ZNF362: variants seen among roughly 807,000 people sequenced by gnomAD.
ZNF362 encodes the protein rotund homolog.
A neutral mutation model predicts 42.9 loss-of-function variants in ZNF362; 11 were observed. The ratio of observed to expected loss-of-function variants is 0.26; its 90% CI spans 0.16 to 0.42. ZNF362 has a LOEUF of 0.42. ZNF362 is among the 20% of genes least tolerant of loss of function. The pLI is 1.00. For synonymous variants in ZNF362, 255 were observed against 257.3 expected, an observed-to-expected ratio of 0.99 and a Z score of 0.09; for missense variants, 362 against 576.2, an observed-to-expected ratio of 0.63 and a Z score of 3.81.
chr1:33,131,212 G>A, the ZNF362 span, among the ~76,000 whole-genome samples: 1 of 152,224 alleles, frequency 6.6e-6, no homozygotes, highest in African/African-American at 2.4e-5. Flanking sequence ...AAAGTGTATG[G>A]TATACCATTC....
chr1:33,177,043 ACACACACG>A, the ZNF362 span, among the ~76,000 whole-genome samples: 1 of 57,940 alleles, frequency 1.7e-5, no homozygotes, highest in African/African-American at 9.2e-5. This position sits in a 1 kb window ranked among gnomAD's most constrained non-coding sequence, Gnocchi z 4.1. Context: ...ACACATGCAC[ACACACACG>A]CACACACACA....
intron 8 of ZNF362, among the ~76,000 whole-genome samples, chr1:33,296,826 T>G (rs199943261): frequency 2.1e-5 from 2 of 96,042 alleles, no homozygotes; most frequent in East Asian, 3.2e-4. Context: ...CAGGAAGGGT[T>G]TTTTTTTTTT....
At chr1:33,211,756 C>T in the ZNF362 span, among the ~76,000 whole-genome samples, 2 of 152,044 alleles carry the variant, frequency 1.3e-5, no homozygotes, top group Non-Finnish European at 2.9e-5. Context: ...GTGTTCTCTG[C>T]ATTTCTTGAA....
chr1:33,198,944 T>C, the ZNF362 span, among the ~76,000 whole-genome samples: 1 of 152,128 alleles, frequency 6.6e-6, no homozygotes, highest in Non-Finnish European at 1.5e-5. Flanking sequence ...AAGAACAGAT[T>C]TGTAAACTTG....
the ZNF362 span, among the ~76,000 whole-genome samples, chr1:33,182,263 C>T: frequency 6.6e-6 from 1 of 152,198 alleles, no homozygotes; most frequent in Non-Finnish European, 1.5e-5. Context: ...CGCTTAGGGT[C>T]CCCGCGGCGA....
the ZNF362 span, among the ~76,000 whole-genome samples, chr1:33,203,638 T>G: frequency 2.0e-5 from 3 of 152,156 alleles, no homozygotes; most frequent in African/African-American, 7.2e-5. Context: ...ATGTGTTATC[T>G]CTCATCTTTT....
the ZNF362 span, among the ~76,000 whole-genome samples, chr1:33,211,257 G>A: frequency 0.015 from 2,234 of 152,168 alleles, 62 homozygotes; most frequent in African/African-American, 0.051. Context: ...ATATTGTTAT[G>A]TGTGAATTTG....
At chr1:33,217,220 G>A in the ZNF362 span, among the ~76,000 whole-genome samples, 2 of 152,172 alleles carry the variant, frequency 1.3e-5, no homozygotes, top group African/African-American at 4.8e-5. Context: ...TGCCTAACCT[G>A]ATCTAACTTC....
chr1:33,191,016 A>G, the ZNF362 span, among the ~76,000 whole-genome samples: 2 of 152,186 alleles, frequency 1.3e-5, no homozygotes, highest in Non-Finnish European at 2.9e-5. Flanking sequence ...GTTCCTCCTC[A>G]GAGATCTGAG....
the ZNF362 span, among the ~76,000 whole-genome samples, chr1:33,188,653 T>C: frequency 6.6e-6 from 1 of 152,190 alleles, no homozygotes; most frequent in Non-Finnish European, 1.5e-5. Flanking sequence ...CTTTGACAGA[T>C]TGGACACTTA....
At chr1:33,229,237 T>C in the ZNF362 span, among the ~76,000 whole-genome samples, 1 of 152,090 alleles carries the variant, frequency 6.6e-6, no homozygotes, top group African/African-American at 2.4e-5. Context: ...CAGTTTTAAA[T>C]GGAAGCTCCA....
At chr1:33,184,621 A>G in the ZNF362 span, among the ~76,000 whole-genome samples, 1 of 152,220 alleles carries the variant, frequency 6.6e-6, no homozygotes, top group African/African-American at 2.4e-5. Context: ...CTGATGGAGC[A>G]AAGATATGGG....
In ZNF362 at chr1:33,281,885, G is replaced by C; in HGVS notation, c.908+74G>C. ...CCGTGGCCTGGCACATGGAGCCAGTGCAAGGAGGGGCAAGGACCTTCTCCA... is the reference window on the plus strand; with the variant it reads ...CCGTGGCCTGGCACATGGAGCCAGTCCAAGGAGGGGCAAGGACCTTCTCCA... On this transcript the variant is annotated intron_variant, in intron 6 of 8. Transcript: ENST00000539719. The surrounding 1 kb of genome is among the most constrained non-coding windows in gnomAD (Gnocchi z 4.8). 1 of 1,468,472 alleles carries C rather than the reference G, an allele frequency of 6.8e-7. No homozygotes were observed. Among genetic ancestry groups the C allele is most frequent in the Non-Finnish European group, 9.4e-7 (1 of 1,062,620 alleles). 91.0% of individuals were successfully genotyped at this position (1,468,472 alleles called of 1,614,324 possible).
chr1:33,156,136 G>T, the ZNF362 span, among the ~76,000 whole-genome samples: 1 of 152,344 alleles, frequency 6.6e-6, no homozygotes, highest in South Asian at 2.1e-4. Context: ...CTGGGCTGCA[G>T]TCAAGACTGT....
At chr1:33,211,965 A>C in the ZNF362 span, among the ~76,000 whole-genome samples, 5 of 152,186 alleles carry the variant, frequency 3.3e-5, no homozygotes, top group African/African-American at 9.7e-5. Context: ...GTCCCCACCC[A>C]AATCTCACAT....
chr1:33,182,980 G>A, the ZNF362 span, among the ~76,000 whole-genome samples: 2 of 152,146 alleles, frequency 1.3e-5, no homozygotes, highest in Non-Finnish European at 2.9e-5. Flanking sequence ...AGAAGACAGG[G>A]AGCTTTTCCA....
the ZNF362 span, among the ~76,000 whole-genome samples, chr1:33,203,631 T>C: frequency 6.6e-6 from 1 of 152,176 alleles, no homozygotes; most frequent in Non-Finnish European, 1.5e-5. Context: ...TCTTAACATG[T>C]GTTATCTCTC....
the ZNF362 span, among the ~76,000 whole-genome samples, chr1:33,242,849 A>ACT: frequency 6.6e-6 from 1 of 152,192 alleles, no homozygotes; most frequent in Non-Finnish European, 1.5e-5. Flanking sequence ...TGGACAAGCC[A>ACT]AAGTGCTGCT....
the ZNF362 span, chr1:33,147,767 A>G: frequency 1.5e-5 from 23 of 1,584,244 alleles, no homozygotes; most frequent in African/African-American, 2.7e-5. This position sits in a 1 kb window ranked among gnomAD's most constrained non-coding sequence, Gnocchi z 8.1. Context: ...GAGTGGGGAG[A>G]AGGCTGTGGA....
Sources: allele counts gnomAD v4.1 joint callset (sites outside exome capture counted in the v4.1 genomes callset), GRCh38; gene constraint gnomAD v4.1.1; non-coding constraint Gnocchi (gnomAD v3.1); transcripts MANE v1.5; gene names NCBI Gene and HGNC (gene_info 2026-07-23, HGNC 2026-07-21).